NCKAP5: variants seen among roughly 807,000 people sequenced by gnomAD.
NCKAP5 encodes the protein nck-associated protein 5.
A neutral mutation model predicts 167.0 loss-of-function variants in NCKAP5; 92 were observed. That is an observed-to-expected ratio of 0.55 (90% CI 0.47 to 0.66). NCKAP5 has a LOEUF of 0.66. Among genes scored for constraint, NCKAP5 ranks in the 30% least tolerant of loss-of-function variants. NCKAP5 has a pLI of 0.00. For missense variants in NCKAP5, 2,378 were observed against 2,315.0 expected, an observed-to-expected ratio of 1.03 and a Z score of -0.56; for synonymous variants, 891 against 877.4, an observed-to-expected ratio of 1.02 and a Z score of -0.27.
chr2:133,569,089 C>T (rs1438554626), upstream of NCKAP5, among the ~76,000 whole-genome samples: 1 of 152,124 alleles, frequency 6.6e-6, no homozygotes, highest in Middle Eastern at 3.2e-3. Flanking sequence ...CCCACCTGCA[C>T]CACCCCCGAC....
chr2:133,481,554 G>A (rs1019736318), intron 3 of NCKAP5, among the ~76,000 whole-genome samples: 1 of 152,094 alleles, frequency 6.6e-6, no homozygotes, highest in African/African-American at 2.4e-5. Context: ...GTACCCATTA[G>A]TTATTTTTTC....
At chr2:133,549,372 G>A (rs1337016650) in intron 2 of NCKAP5, among the ~76,000 whole-genome samples, 3 of 145,296 alleles carry the variant, frequency 2.1e-5, no homozygotes, top group African/African-American at 7.6e-5. Flanking sequence ...AAATGTAAAA[G>A]AACAGAAATT....
At chr2:132,992,364 T>C (rs1184397496) in intron 7 of NCKAP5, among the ~76,000 whole-genome samples, 1 of 152,214 alleles carries the variant, frequency 6.6e-6, no homozygotes, top group African/African-American at 2.4e-5. Context: ...GTTAAGTGTC[T>C]ACACCACAGA....
the NCKAP5 span, among the ~76,000 whole-genome samples, chr2:133,655,264 G>T: frequency 6.6e-6 from 1 of 152,000 alleles, no homozygotes. Context: ...GTAAGGCCAG[G>T]GTAGACATTT....
intron 4 of NCKAP5, among the ~76,000 whole-genome samples, chr2:133,289,730 A>T (rs7571917): frequency 4.0e-5 from 6 of 151,890 alleles, no homozygotes; most frequent in African/African-American, 1.5e-4. Flanking sequence ...AACAAACAAA[A>T]AAAAACAGCA....
intron 7 of NCKAP5, among the ~76,000 whole-genome samples, chr2:132,983,775 A>C (rs2149275304): frequency 6.6e-6 from 1 of 152,284 alleles, no homozygotes; most frequent in African/African-American, 2.4e-5. Flanking sequence ...AGGAGCTGAC[A>C]AAGTCCTGTG....
At chr2:133,190,750 C>A (rs2150077264) in intron 5 of NCKAP5, among the ~76,000 whole-genome samples, 1 of 152,284 alleles carries the variant, frequency 6.6e-6, no homozygotes, top group Admixed American at 6.5e-5. Context: ...CCCTTCCTTA[C>A]ACCTTATACA....
chr2:132,932,267 T>C (rs945241580), intron 8 of NCKAP5, among the ~76,000 whole-genome samples: 1 of 152,214 alleles, frequency 6.6e-6, no homozygotes, highest in African/African-American at 2.4e-5. Context: ...TTTTGGTAAG[T>C]ATTATAAAAG....
At chr2:133,442,336 C>G (rs1218999103) in intron 3 of NCKAP5, among the ~76,000 whole-genome samples, 1 of 152,170 alleles carries the variant, frequency 6.6e-6, no homozygotes, top group Non-Finnish European at 1.5e-5. Context: ...TCTGGAGGGA[C>G]TTGCCCCACT....
At chr2:133,298,647 TA>T (rs1473182829) in intron 4 of NCKAP5, among the ~76,000 whole-genome samples, 3 of 152,188 alleles carry the variant, frequency 2.0e-5, no homozygotes, top group Non-Finnish European at 4.4e-5. Context: ...CTAACCAAAT[TA>T]AACTCTAAAT....
chr2:132,715,558 G>C (rs1263543214), intron 19 of NCKAP5, among the ~76,000 whole-genome samples: 1 of 152,174 alleles, frequency 6.6e-6, no homozygotes, highest in Non-Finnish European at 1.5e-5. Context: ...TTTCAAGTCT[G>C]TAAAGGATTT....
chr2:132,790,287 G>A, intron 12 of NCKAP5, 82 bp from the exon 13 acceptor site: 8 of 1,239,812 alleles, frequency 6.5e-6, no homozygotes, highest in Middle Eastern at 2.0e-4. Context: ...GAGGTAGATG[G>A]GAATACAGAT....
chr2:132,957,010 G>A (rs1298558464), intron 8 of NCKAP5, among the ~76,000 whole-genome samples: 1 of 152,082 alleles, frequency 6.6e-6, no homozygotes, highest in Non-Finnish European at 1.5e-5. Context: ...AGTTACTTCT[G>A]ATGGGACCTT....
chr2:133,021,464 A>G, intron 6 of NCKAP5, among the ~76,000 whole-genome samples: 1 of 152,256 alleles, frequency 6.6e-6, no homozygotes, highest in Non-Finnish European at 1.5e-5. Context: ...GCCTTGAAGA[A>G]AAAGTTTCTA....
intron 2 of NCKAP5, among the ~76,000 whole-genome samples, chr2:133,547,884 CT>C (rs1474327419): frequency 6.8e-6 from 1 of 147,742 alleles, no homozygotes; most frequent in South Asian, 2.2e-4. Flanking sequence ...TGGAGAATGA[CT>C]TTGACGAGCT....
intron 3 of NCKAP5, chr2:133,433,619 G>T (rs1430287810): frequency 6.6e-6 from 1 of 152,136 alleles, no homozygotes; most frequent in East Asian, 1.9e-4. Flanking sequence ...TCAGGGACCA[G>T]CCTACACAGA....
intron 6 of NCKAP5, among the ~76,000 whole-genome samples, chr2:133,004,851 GCCATTTTAGAGA>G (rs1231057182): frequency 6.6e-6 from 1 of 152,152 alleles, no homozygotes; most frequent in Non-Finnish European, 1.5e-5. Context: ...TCCCAGAGCA[GCCATTTTAGAGA>G]CCTCCCCCTG....
intron 2 of NCKAP5, among the ~76,000 whole-genome samples, chr2:133,526,178 A>AGGAC (rs1684858613): frequency 8.9e-6 from 1 of 111,770 alleles, no homozygotes. Flanking sequence ...GAAGGAAGGA[A>AGGAC]GGAAGGAAGG....
intron 5 of NCKAP5, 136 bp downstream of exon 5, chr2:133,213,580 A>T (rs1192099248): frequency 1.0e-5 from 8 of 794,248 alleles, no homozygotes; most frequent in African/African-American, 1.7e-5. Flanking sequence ...TCTATTATAA[A>T]TACATCATTT....
Sources: gnomAD v4.1 joint callset for allele counts (sites outside exome capture counted in the v4.1 genomes callset) on GRCh38, gnomAD v4.1.1 for gene constraint, MANE v1.5 for transcripts, NCBI Gene and HGNC (gene_info 2026-07-23, HGNC 2026-07-21) for gene names.